Variants in PLS1 observed in about 807,000 individuals in gnomAD.
PLS1 encodes the protein plastin-1.
A neutral mutation model predicts 73.7 loss-of-function variants in PLS1; 32 were observed. That is an observed-to-expected ratio of 0.43 (90% CI 0.33 to 0.58). The LOEUF is 0.58. Among genes scored for constraint, PLS1 ranks in the 20% least tolerant of loss-of-function variants. The pLI, the probability that PLS1 is intolerant of heterozygous loss-of-function variation, is 0.04. For synonymous variants in PLS1, 217 were observed against 261.3 expected (o/e 0.83, Z 1.63); for missense variants, 633 against 740.5 (o/e 0.85, Z 1.68).
In PLS1 at chr3:142,694,401, A is replaced by T. The variant is rs531448164; in HGVS notation, c.1178-68A>T. ...GTTTGACCAGTTTGTACCTGCTAGA[A>T]TGGTTTAACATATAGTTCCTGGTTC... is the stretch of plus-strand genomic sequence containing the variant. On this transcript the variant is annotated intron_variant, in intron 10 of 15. Coordinates refer to ENST00000457734, the MANE Select transcript of PLS1 (RefSeq NM_001145319.2). 68 of 939,090 alleles carry T rather than the reference A, an allele frequency of 7.2e-5. No individual in the cohort carries two copies. In the Admixed American group the frequency reaches 7.5e-4, roughly 10 times the overall value. 58.2% of individuals were successfully genotyped at this position (939,090 alleles called of 1,614,324 possible).
chr3:142,614,290 C>T (rs887459386), intron 1 of PLS1, among the ~76,000 whole-genome samples: 2 of 152,276 alleles, frequency 1.3e-5, no homozygotes, highest in South Asian at 2.1e-4. Context: ...AAATTAGCAG[C>T]GGCAGGCAGT....
intron 6 of PLS1, among the ~76,000 whole-genome samples, chr3:142,682,540 C>G (rs1030072304): frequency 2.0e-5 from 3 of 152,174 alleles, no homozygotes; most frequent in Non-Finnish European, 4.4e-5. Context: ...TTTTGGCCCA[C>G]AGTACCATGC....
At chr3:142,704,099 G>C in intron 13 of PLS1, 98 bp downstream of exon 13, 1 of 911,294 alleles carries the variant, frequency 1.1e-6, no homozygotes, top group Non-Finnish European at 1.7e-6. Flanking sequence ...GAACACAGAA[G>C]AAATATACAA....
intron 1 of PLS1, among the ~76,000 whole-genome samples, chr3:142,630,896 A>G (rs1040330033): frequency 2.6e-5 from 4 of 151,628 alleles, no homozygotes; most frequent in Non-Finnish European, 5.9e-5. Flanking sequence ...GCATAAAGAC[A>G]TATATATAGA....
intron 14 of PLS1, among the ~76,000 whole-genome samples, chr3:142,707,716 C>T (rs948024927): frequency 2.6e-5 from 4 of 152,268 alleles, no homozygotes; most frequent in Middle Eastern, 3.4e-3. Context: ...CCTTGCTAGT[C>T]GCTGTGGCTA....
In PLS1 at chr3:142,652,018, T is replaced by A. The variant is rs1324409613; in HGVS notation, c.-36-12184T>A. Among the ~76,000 whole-genome samples, 2 of 152,110 alleles carry A rather than the reference T, an allele frequency of 1.3e-5. 1 individual carries two copies. Among genetic ancestry groups the A allele is most frequent in the East Asian group, 3.9e-4 (2 of 5,180 alleles). The stretch of plus-strand genomic sequence containing the variant: ...GGATGGGATTTCCAGGGGGTAGGCA[T>A]TATGGACACATTAAGGAAGGGGTAA... On this transcript the variant is annotated intron_variant, in intron 1 of 15. Coordinates refer to ENST00000457734, the MANE Select transcript of PLS1 (RefSeq NM_001145319.2).
At chr3:142,678,474 C>A (rs1027136278) in intron 6 of PLS1, among the ~76,000 whole-genome samples, 6 of 142,574 alleles carry the variant, frequency 4.2e-5, no homozygotes, top group Non-Finnish European at 6.0e-5. Flanking sequence ...TTCCTGTGTC[C>A]ATGTGTTCTC....
chr3:142,662,419 G>A, intron 1 of PLS1, among the ~76,000 whole-genome samples: 1 of 152,148 alleles, frequency 6.6e-6, no homozygotes, highest in East Asian at 1.9e-4. Flanking sequence ...GTCTATTGGG[G>A]GGTAGGGGCT....
At position 142,682,440 on chromosome 3, in the gene PLS1, T is replaced by A. The variant is rs563482861; in HGVS notation, c.580-1566T>A. On this transcript the variant is annotated intron_variant, in intron 6 of 15. Transcript: ENST00000457734. ...TCATATTAATGTAGGCAGTAAGATGTGGTTTTGTTTGTCATTGTCCAGGCT... is the reference window on the plus strand; with the variant it reads ...TCATATTAATGTAGGCAGTAAGATGAGGTTTTGTTTGTCATTGTCCAGGCT... Among the ~76,000 whole-genome samples the A allele has an allele frequency of 5.3e-5, 8 of 152,246 alleles. 1 individual carries two copies. The South Asian group carries it at 1.7e-3, about 32-fold the overall frequency.
chr3:142,615,038 A>AG (rs2036190334), intron 1 of PLS1, among the ~76,000 whole-genome samples: 1 of 152,072 alleles, frequency 6.6e-6, no homozygotes, highest in Admixed American at 6.6e-5. Flanking sequence ...GGGTGGGCAG[A>AG]ACACGGAACA....
chr3:142,696,722 AT>A (rs2038214864), intron 11 of PLS1, among the ~76,000 whole-genome samples: 1 of 82,674 alleles, frequency 1.2e-5, no homozygotes, highest in African/African-American at 6.9e-5. Context: ...TATTTGCAAA[AT>A]AATAATAATA....
At chr3:142,635,837 C>G (rs1452380352) in intron 1 of PLS1, among the ~76,000 whole-genome samples, 1 of 152,042 alleles carries the variant, frequency 6.6e-6, no homozygotes, top group Non-Finnish European at 1.5e-5. Flanking sequence ...ACTAGTGCTA[C>G]CTGATTTCTA....
At chr3:142,638,987 C>A (rs2036770960) in intron 1 of PLS1, among the ~76,000 whole-genome samples, 1 of 152,102 alleles carries the variant, frequency 6.6e-6, no homozygotes, top group South Asian at 2.1e-4. Context: ...GTGATCTGCC[C>A]TCCTTGGCCT....
intron 1 of PLS1, among the ~76,000 whole-genome samples, chr3:142,602,734 C>A (rs923355671): frequency 1.3e-5 from 2 of 152,158 alleles, no homozygotes; most frequent in Non-Finnish European, 2.9e-5. Context: ...GAGCGTGCTT[C>A]CCTCCCTTGC....
At chr3:142,618,488 C>G (rs781349912) in intron 1 of PLS1, among the ~76,000 whole-genome samples, 1 of 152,248 alleles carries the variant, frequency 6.6e-6, no homozygotes, top group Non-Finnish European at 1.5e-5. Context: ...AGGCTAAAGT[C>G]AACACAGCAG....
chr3:142,652,528 C>T (rs2037120129), intron 1 of PLS1, among the ~76,000 whole-genome samples: 1 of 152,150 alleles, frequency 6.6e-6, no homozygotes, highest in Non-Finnish European at 1.5e-5. Flanking sequence ...TCCTCGGAGG[C>T]ATGGCAAATC....
At chr3:142,637,849 G>C (rs2036727468) in intron 1 of PLS1, among the ~76,000 whole-genome samples, 1 of 151,514 alleles carries the variant, frequency 6.6e-6, no homozygotes, top group South Asian at 2.1e-4. Flanking sequence ...AACATGCCAG[G>C]CCCCCCCGCC....
chr3:142,699,348 A>G (rs2038277707), intron 12 of PLS1, among the ~76,000 whole-genome samples: 1 of 152,016 alleles, frequency 6.6e-6, no homozygotes, highest in Non-Finnish European at 1.5e-5. Context: ...AATCCCAGCT[A>G]CTCGGGAGGC....
chr3:142,686,761 C>T (rs914847288), intron 9 of PLS1, among the ~76,000 whole-genome samples: 1 of 152,166 alleles, frequency 6.6e-6, no homozygotes, highest in African/African-American at 2.4e-5. Context: ...GCCCAAGGCT[C>T]CAAGCCTCCA....
Sources: allele counts gnomAD v4.1 joint callset (sites outside exome capture counted in the v4.1 genomes callset), GRCh38; gene constraint gnomAD v4.1.1; transcripts MANE v1.5; gene names NCBI Gene and HGNC (gene_info 2026-07-23, HGNC 2026-07-21).